The following OSBPL9 variants were observed in gnomAD, a reference collection of about 807,000 sequenced individuals.
The protein encoded by OSBPL9 is oxysterol binding protein like 9.
OSBPL9 carries 40 observed loss-of-function variants against 106.6 expected under a neutral mutation model. That is an observed-to-expected ratio of 0.38 (90% CI 0.29 to 0.49). OSBPL9 has a LOEUF of 0.49. OSBPL9 is among the 20% of genes least tolerant of loss of function. The pLI, the probability that OSBPL9 is intolerant of heterozygous loss-of-function variation, is 0.97. For synonymous variants in OSBPL9, 269 were observed against 295.4 expected (o/e 0.91, Z 0.92); for missense variants, 609 against 887.2 (o/e 0.69, Z 3.98).
At chr1:51,568,864 C>T in the OSBPL9 span, among the ~76,000 whole-genome samples, 6 of 152,184 alleles carry the variant, frequency 3.9e-5, no homozygotes, top group African/African-American at 1.4e-4. Flanking sequence ...AGGTGCTAGC[C>T]ACCATGCCTG....
intron 3 of OSBPL9, among the ~76,000 whole-genome samples, chr1:51,711,409 G>A: frequency 6.8e-6 from 1 of 147,254 alleles, no homozygotes. Context: ...AGTAGGGGCG[G>A]CCGGGTAGAG....
chr1:51,649,308 C>T (rs1570783659), intron 1 of OSBPL9, among the ~76,000 whole-genome samples: 3 of 152,024 alleles, frequency 2.0e-5, no homozygotes, highest in Admixed American at 6.6e-5. Flanking sequence ...GGTTTCACCA[C>T]GTTAGCCAGG....
chr1:51,731,283 A>G (rs970043733), intron 4 of OSBPL9, among the ~76,000 whole-genome samples: 2 of 151,754 alleles, frequency 1.3e-5, no homozygotes, highest in Non-Finnish European at 2.9e-5. Flanking sequence ...CCCCTGCCCC[A>G]ATAAAAATTT....
intron 12 of OSBPL9, among the ~76,000 whole-genome samples, chr1:51,770,303 G>A (rs181198489): frequency 7.9e-5 from 12 of 152,096 alleles, no homozygotes; most frequent in African/African-American, 2.7e-4. Flanking sequence ...CACCACGCTC[G>A]GCTAACTTTT....
At chr1:51,557,159 C>T in the OSBPL9 span, among the ~76,000 whole-genome samples, 9 of 152,060 alleles carry the variant, frequency 5.9e-5, no homozygotes, top group Non-Finnish European at 1.3e-4. Context: ...GTTTCATGGC[C>T]AAAAAAGTTT....
At chr1:51,535,557 T>C in the OSBPL9 span, among the ~76,000 whole-genome samples, 1 of 152,022 alleles carries the variant, frequency 6.6e-6, no homozygotes, top group Non-Finnish European at 1.5e-5. Flanking sequence ...TTATTACTTT[T>C]TATTTTTTTT....
the OSBPL9 span, among the ~76,000 whole-genome samples, chr1:51,564,314 A>C: frequency 6.6e-6 from 1 of 151,928 alleles, no homozygotes; most frequent in African/African-American, 2.4e-5. Flanking sequence ...GTAAGATGGG[A>C]ATTTCCCTTG....
intron 1 of OSBPL9, among the ~76,000 whole-genome samples, chr1:51,649,482 A>G (rs1646374538): frequency 6.6e-6 from 1 of 152,188 alleles, no homozygotes; most frequent in South Asian, 2.1e-4. Context: ...TATGAATAGG[A>G]AAGTAAAGTT....
chr1:51,762,007 T>TC (rs762668110), intron 11 of OSBPL9, 36 bp downstream of exon 11: 1 of 1,437,880 alleles, frequency 7.0e-7, no homozygotes, highest in Non-Finnish European at 9.8e-7. Context: ...GTCTCATAAC[T>TC]CTATTAACAT....
intron 1 of OSBPL9, among the ~76,000 whole-genome samples, chr1:51,594,339 T>C (rs1279986055): frequency 6.6e-6 from 1 of 151,818 alleles, no homozygotes; most frequent in Non-Finnish European, 1.5e-5. Context: ...GAGGCAGAGG[T>C]TGCAGTGAGC....
At chr1:51,639,816 GTTTTTTTTT>G (rs758174157) in intron 1 of OSBPL9, among the ~76,000 whole-genome samples, 30 of 67,026 alleles carry the variant, frequency 4.5e-4, no homozygotes, top group Non-Finnish European at 6.9e-4. Context: ...ATTCCTAGTT[GTTTTTTTTT>G]TTTTTTTTTT....
chr1:51,528,900 C>T, the OSBPL9 span, among the ~76,000 whole-genome samples: 4 of 151,766 alleles, frequency 2.6e-5, no homozygotes, highest in African/African-American at 7.3e-5. Context: ...ATATCAATTC[C>T]GTTTACAATA....
intron 15 of OSBPL9, among the ~76,000 whole-genome samples, chr1:51,780,759 C>T (rs113666987): frequency 1.3e-5 from 2 of 151,392 alleles, no homozygotes; most frequent in African/African-American, 2.4e-5. Context: ...AGCGAGACTC[C>T]GTCTCAAAAA....
intron 4 of OSBPL9, among the ~76,000 whole-genome samples, chr1:51,728,543 C>T (rs1248302721): frequency 6.6e-6 from 1 of 152,098 alleles, no homozygotes; most frequent in East Asian, 1.9e-4. Context: ...TTTACTGAGA[C>T]AGGGAGCCCT....
At chr1:51,662,742 A>AT (rs139072045) in intron 2 of OSBPL9, among the ~76,000 whole-genome samples, 22,683 of 131,702 alleles carry the variant, frequency 0.17, 2,681 homozygotes, top group Middle Eastern at 0.32. Context: ...AAATCAACGA[A>AT]TTTTTTTTTT....
intron 4 of OSBPL9, among the ~76,000 whole-genome samples, chr1:51,722,596 C>T (rs1662356770): frequency 6.6e-6 from 1 of 152,184 alleles, no homozygotes; most frequent in African/African-American, 2.4e-5. Flanking sequence ...GCTAAGGATA[C>T]AGTGGTGAAC....
At chr1:51,530,178 AAAAAAAAAAAAAAAC>A in the OSBPL9 span, among the ~76,000 whole-genome samples, 39 of 113,356 alleles carry the variant, frequency 3.4e-4, 1 homozygote, top group African/African-American at 9.4e-4. Context: ...CTCAAAAAAA[AAAAAAAAAAAAAAAC>A]AAAAAAAAAA....
the OSBPL9 span, chr1:51,565,458 T>A: frequency 6.6e-6 from 1 of 152,218 alleles, no homozygotes; most frequent in Non-Finnish European, 1.5e-5. Flanking sequence ...AAATCTATTA[T>A]TTGAAATTCA....
At position 51,729,892 on chromosome 1, in the gene OSBPL9, G is replaced by C; in HGVS notation, c.319-15644G>C. On this transcript the variant is annotated intron_variant, in intron 4 of 23. Coordinates refer to ENST00000428468, the MANE Select transcript of OSBPL9 (RefSeq NM_024586.6). This position sits in a 1 kb window ranked among gnomAD's most constrained non-coding sequence, Gnocchi z 5.1. ...GCCTGCACCGCAGTCCGGGGATCGG[G>C]TCGAGGGGAGAAGAAAAAGGGGTGC... 7.9e-7 allele frequency: 1 copy of C among 1,266,472 alleles called. No individual in the cohort carries two copies. Among genetic ancestry groups the C allele is most frequent in the Admixed American group, 3.9e-5 (1 of 25,580 alleles). The allele number at this position is 1,266,472 out of a possible 1,614,324, so 78.5% of individuals were successfully genotyped here. A position where few individuals can be genotyped will look rare whatever the true frequency, so the allele number is the denominator to read the frequency against.
Sources: allele counts gnomAD v4.1 joint callset (sites outside exome capture counted in the v4.1 genomes callset), GRCh38; gene constraint gnomAD v4.1.1; non-coding constraint Gnocchi (gnomAD v3.1); transcripts MANE v1.5; gene names NCBI Gene and HGNC (gene_info 2026-07-23, HGNC 2026-07-21).